The following CMTM4 variants were observed in gnomAD, a reference collection of about 807,000 sequenced individuals.
CMTM4 encodes CKLF-like MARVEL transmembrane domain-containing protein 4.
CMTM4 carries 8 observed loss-of-function variants against 19.0 expected under a neutral mutation model. The ratio of observed to expected loss-of-function variants is 0.42; its 90% CI spans 0.25 to 0.76. The LOEUF is 0.76. CMTM4 is among the 30% of genes least tolerant of loss of function. The probability of loss-of-function intolerance (pLI) is 0.27; values close to 1 mark genes in which losing one functional copy is unlikely to be tolerated. For synonymous variants in CMTM4, 106 were observed against 121.1 expected, an observed-to-expected ratio of 0.88 and a Z score of 0.82; for missense variants, 228 against 290.2, an observed-to-expected ratio of 0.79 and a Z score of 1.56.
rs142991452 is a variant in CMTM4 at position 66,668,896 on chromosome 16, C to T, written c.186+27444G>A. On this transcript the variant is annotated intron_variant, in intron 1 of 3. Coordinates refer to ENST00000394106, the MANE Select transcript of CMTM4 (RefSeq NM_181521.3). ...CTCCCATGTACTGCTGGGAAGAATA[C>T]AAAATGGTATAGCTACGCTGGAAAA... 2.0e-5 allele frequency among the ~76,000 whole-genome samples: 3 copies of T among 152,260 alleles called. No individual in the cohort carries two copies. The East Asian group carries it at 5.8e-4, about 29-fold the overall frequency.
chr16:66,624,232 G>A (rs1189791630), intron 2 of CMTM4, among the ~76,000 whole-genome samples: 1 of 152,216 alleles, frequency 6.6e-6, no homozygotes, highest in Admixed American at 6.5e-5. Context: ...TACAGGTGAA[G>A]AGCCCAGCAT....
chr16:66,633,144 T>C (rs910138489), intron 2 of CMTM4, among the ~76,000 whole-genome samples: 7 of 143,326 alleles, frequency 4.9e-5, no homozygotes, highest in Non-Finnish European at 9.0e-5. Flanking sequence ...TATATATATA[T>C]ATCAAAGTCC....
chr16:66,621,906 T>C lies in CMTM4; in HGVS notation c.*152A>G. On this transcript the variant is annotated 3_prime_UTR_variant, in exon 4 of 4. Transcript: ENST00000394106. ...CCAACTCCACCGCGGACCCGCCCAC[T>C]GGGCCACTCGGGAAACCCTTTCCCA... is the stretch of plus-strand genomic sequence containing the variant. 7.0e-7 allele frequency: 1 copy of C among 1,436,398 alleles called. No individual in the cohort carries two copies. Among genetic ancestry groups the C allele is most frequent in the Non-Finnish European group, 9.1e-7 (1 of 1,097,244 alleles). 89.0% of individuals were successfully genotyped at this position (1,436,398 alleles called of 1,614,324 possible).
intron 1 of CMTM4, among the ~76,000 whole-genome samples, chr16:66,652,074 C>T (rs1406464761): frequency 6.6e-6 from 1 of 152,184 alleles, no homozygotes; most frequent in African/African-American, 2.4e-5. Context: ...GCTAAAGCCA[C>T]CTGGGCTGGC....
intron 1 of CMTM4, among the ~76,000 whole-genome samples, chr16:66,672,618 C>T (rs1324553838): frequency 6.6e-6 from 1 of 151,684 alleles, no homozygotes; most frequent in Non-Finnish European, 1.5e-5. Context: ...TTAAGGGTCA[C>T]TTTTGAGTTA....
At position 66,619,522 on chromosome 16, in the gene CMTM4, C is replaced by A. The variant is rs185958982; in HGVS notation, c.*2536G>T. 101 of 985,390 alleles carry A rather than the reference C, an allele frequency of 1.0e-4. No homozygotes were observed. Among genetic ancestry groups the A allele is most frequent in the Non-Finnish European group, 4.0e-5 (33 of 829,928 alleles). 61.0% of individuals were successfully genotyped at this position (985,390 alleles called of 1,614,324 possible). A position where few individuals can be genotyped will look rare whatever the true frequency, so the allele number is the denominator to read the frequency against. On this transcript the variant is annotated 3_prime_UTR_variant, in exon 4 of 4. Transcript: ENST00000394106. ...CTATTGAAACTATTAAACGCAAAAA[C>A]GCTTCCTTCAATTTGCCAAGAGGTC...
chr16:66,651,738 A>G (rs571697535), intron 1 of CMTM4, among the ~76,000 whole-genome samples: 3 of 152,332 alleles, frequency 2.0e-5, no homozygotes, highest in African/African-American at 7.2e-5. Flanking sequence ...TCTCAAAGGG[A>G]TCTAGCTGTA....
chr16:66,622,324 C>A lies in CMTM4; in HGVS notation c.463-102G>T, dbSNP rs1485553259. On this transcript the variant is annotated intron_variant, in intron 3 of 3. Coordinates refer to ENST00000394106, the MANE Select transcript of CMTM4 (RefSeq NM_181521.3). This position sits in a 1 kb window ranked among gnomAD's most constrained non-coding sequence, Gnocchi z 4.0. ...ATGCAGCCCCTTCCTGCTCTGCCAG[C>A]TGATCATTACAACCCTGTGCCTTCA... 2.4e-6 allele frequency: 3 copies of A among 1,274,918 alleles called. No individual in the cohort carries two copies. Among genetic ancestry groups the A allele is most frequent in the Non-Finnish European group, 3.3e-6 (3 of 914,242 alleles). 79.0% of individuals were successfully genotyped at this position (1,274,918 alleles called of 1,614,324 possible).
intron 1 of CMTM4, among the ~76,000 whole-genome samples, chr16:66,663,049 G>C (rs945140715): frequency 2.0e-5 from 3 of 152,178 alleles, no homozygotes; most frequent in African/African-American, 7.2e-5. Flanking sequence ...CAAAGGCTTT[G>C]AAACAGAATT....
rs1381732837 is a variant in CMTM4 at position 66,641,023 on chromosome 16, TGAAAA to T, written c.187-4447_187-4443del. Among the ~76,000 whole-genome samples, 10 of 152,118 alleles carry T rather than the reference TGAAAA, an allele frequency of 6.6e-5. No individual in the cohort carries two copies. The South Asian group carries it at 1.9e-3, about 28-fold the overall frequency. ...CCCCCAAATTCCTGACACACAGAAA[TGAAAA>T]GAAAAGAAAGATCTGATTCTTGTTT... On this transcript the variant is annotated intron_variant, in intron 1 of 3. Transcript: ENST00000394106.
intron 1 of CMTM4, among the ~76,000 whole-genome samples, chr16:66,674,859 A>G (rs1381395682): frequency 1.4e-5 from 2 of 143,042 alleles, no homozygotes; most frequent in Non-Finnish European, 1.5e-5. Context: ...CCCCTGCCTC[A>G]GCCTCCTGAG....
chr16:66,669,304 C>A (rs1028990259), intron 1 of CMTM4, among the ~76,000 whole-genome samples: 3 of 151,972 alleles, frequency 2.0e-5, no homozygotes, highest in African/African-American at 7.3e-5. Context: ...GATGAGGTTG[C>A]CAAGAATTGG....
intron 1 of CMTM4, among the ~76,000 whole-genome samples, chr16:66,666,658 A>G (rs991821753): frequency 2.6e-5 from 4 of 152,192 alleles, no homozygotes; most frequent in African/African-American, 9.7e-5. Flanking sequence ...GCTTGATATC[A>G]TTAGCCATTT....
intron 1 of CMTM4, among the ~76,000 whole-genome samples, chr16:66,643,398 C>G (rs2016132150): frequency 6.6e-6 from 1 of 152,224 alleles, no homozygotes; most frequent in Non-Finnish European, 1.5e-5. Flanking sequence ...GACAATGGAA[C>G]AGACCCCAAA....
intron 1 of CMTM4, among the ~76,000 whole-genome samples, chr16:66,692,187 T>C (rs2017147838): frequency 6.6e-6 from 1 of 151,956 alleles, no homozygotes; most frequent in African/African-American, 2.4e-5. Flanking sequence ...GCCTCCCAGG[T>C]TCAAGCGCTT....
At chr16:66,609,312 A>G in the CMTM4 span, 2 of 785,704 alleles carry the variant, frequency 2.5e-6, no homozygotes, top group South Asian at 1.6e-5. The surrounding 1 kb of genome is among the most constrained non-coding windows in gnomAD (Gnocchi z 4.4). Flanking sequence ...GGGTGGGGCC[A>G]GGATGGGATA....
intron 1 of CMTM4, among the ~76,000 whole-genome samples, chr16:66,695,159 CA>C (rs1041420184): frequency 6.6e-6 from 1 of 152,116 alleles, no homozygotes; most frequent in African/African-American, 2.4e-5. Flanking sequence ...CCAGTCTGGG[CA>C]ACATGGTGAA....
At chr16:66,679,836 A>AG (rs2016875317) in intron 1 of CMTM4, among the ~76,000 whole-genome samples, 1 of 151,834 alleles carries the variant, frequency 6.6e-6, no homozygotes. Context: ...AAAAAAAAAA[A>AG]AAAAAAAGAT....
At chr16:66,683,531 T>C (rs2016980089) in intron 1 of CMTM4, among the ~76,000 whole-genome samples, 1 of 151,626 alleles carries the variant, frequency 6.6e-6, no homozygotes, top group Non-Finnish European at 1.5e-5. Context: ...GACCTCGTGA[T>C]CCGCCTGCCT....
Sources: allele counts gnomAD v4.1 joint callset (sites outside exome capture counted in the v4.1 genomes callset), GRCh38; gene constraint gnomAD v4.1.1; non-coding constraint Gnocchi (gnomAD v3.1); transcripts MANE v1.5; gene names NCBI Gene and HGNC (gene_info 2026-07-23, HGNC 2026-07-21).